Variants in KIF6 observed in about 807,000 individuals in gnomAD.
KIF6 encodes the protein kinesin family member 6, also known as kinesin-like protein KIF6.
In KIF6, 106 loss-of-function variants were observed where a neutral mutation model predicts 112.7. The observed-to-expected ratio is 0.94, with a 90% CI of 0.80 to 1.11. The LOEUF (loss-of-function observed/expected upper bound fraction) is 1.11. KIF6 is among the 50% of genes least tolerant of loss of function. The pLI, the probability that KIF6 is intolerant of heterozygous loss-of-function variation, is 0.00. For missense variants in KIF6, 929 were observed against 964.0 expected, an observed-to-expected ratio of 0.96 and a Z score of 0.48; for synonymous variants, 339 against 339.9, an observed-to-expected ratio of 1.00 and a Z score of 0.03.
intron 19 of KIF6, among the ~76,000 whole-genome samples, chr6:39,350,716 C>T (rs544850837): frequency 1.2e-4 from 18 of 152,288 alleles, no homozygotes; most frequent in East Asian, 3.9e-4. Flanking sequence ...TCTGTAGGCC[C>T]GTTACTACCA....
chr6:39,699,832 C>T (rs898242360), intron 3 of KIF6, among the ~76,000 whole-genome samples: 2 of 152,028 alleles, frequency 1.3e-5, no homozygotes, highest in Non-Finnish European at 2.9e-5. Flanking sequence ...ATTAATATAT[C>T]TTGACTGATC....
intron 13 of KIF6, among the ~76,000 whole-genome samples, chr6:39,455,005 G>A (rs1772967327): frequency 6.7e-6 from 1 of 150,184 alleles, no homozygotes; most frequent in Non-Finnish European, 1.5e-5. Flanking sequence ...GCTCGAACTG[G>A]GTGGAGCCCA....
intron 8 of KIF6, among the ~76,000 whole-genome samples, chr6:39,585,750 C>T (rs932613601): frequency 6.6e-6 from 1 of 152,182 alleles, no homozygotes; most frequent in Non-Finnish European, 1.5e-5. Flanking sequence ...GCCTTGTTTC[C>T]TCTTCTGAGG....
chr6:39,373,075 A>G (rs1581702696), intron 16 of KIF6, among the ~76,000 whole-genome samples: 1 of 152,194 alleles, frequency 6.6e-6, no homozygotes, highest in South Asian at 2.1e-4. Context: ...GGACAGATAG[A>G]GGGGCCAGCC....
chr6:39,426,251 G>C (rs1770757050), intron 14 of KIF6, among the ~76,000 whole-genome samples: 1 of 152,146 alleles, frequency 6.6e-6, no homozygotes, highest in Non-Finnish European at 1.5e-5. Flanking sequence ...ATTGTTCTCT[G>C]CTGAAAAATC....
chr6:39,381,743 TG>T (rs2150307376), intron 16 of KIF6, among the ~76,000 whole-genome samples: 1 of 152,330 alleles, frequency 6.6e-6, no homozygotes, highest in Non-Finnish European at 1.5e-5. Flanking sequence ...GAATGGCAGC[TG>T]GGAGATGTTG....
intron 2 of KIF6, chr6:39,715,046 T>C (rs1789753491): frequency 3.6e-6 from 1 of 276,110 alleles, no homozygotes; most frequent in Non-Finnish European, 6.8e-6. Flanking sequence ...TGTGTGCTTT[T>C]TAGCTCTCAA....
intron 5 of KIF6, among the ~76,000 whole-genome samples, chr6:39,621,233 G>A (rs2465680): frequency 0.33 from 31,136 of 95,216 alleles, 4,403 homozygotes; most frequent in African/African-American, 0.55. Flanking sequence ...ACACACACAC[G>A]TACACATATA....
Position 39,540,046 on chromosome 6 carries a change from G to A in KIF6, c.1602C>T (p.Phe534=). 1 of 1,607,548 alleles carries A rather than the reference G, an allele frequency of 6.2e-7. No homozygotes were observed. Among genetic ancestry groups the A allele is most frequent in the African/African-American group, 1.3e-5 (1 of 74,648 alleles). The change falls in exon 13 of 23, where the codon TTC becomes TTT. Residue 534 remains phenylalanine, a synonymous_variant. Coordinates refer to ENST00000287152, the MANE Select transcript of KIF6 (RefSeq NM_145027.6). ...LSSAPSQAQD[F]SILGKRSSLL... ...AACTGGATCTTTTCCCCAAAATGCT[G>A]AAGTCCTGGGCCTGTGAGGGAGCTG...
chr6:39,545,761 G>T, intron 10 of KIF6, 73 bp from the exon 11 acceptor site: 2 of 895,234 alleles, frequency 2.2e-6, no homozygotes, highest in South Asian at 1.4e-5. Context: ...TTATCTAGTT[G>T]GTTAACATTT....
chr6:39,586,207 C>T (rs920203277), intron 8 of KIF6, 54 bp downstream of exon 8: 12 of 1,597,460 alleles, frequency 7.5e-6, no homozygotes, highest in South Asian at 5.6e-5. Context: ...CTCCGTCTCA[C>T]GTGCTAGCAG....
chr6:39,720,393 A>C (rs544786089), intron 2 of KIF6, among the ~76,000 whole-genome samples: 1 of 152,284 alleles, frequency 6.6e-6, no homozygotes, highest in South Asian at 2.1e-4. Context: ...GTGAAGTTTA[A>C]TCATGCATTG....
chr6:39,629,074 T>C (rs1449294331), intron 5 of KIF6, among the ~76,000 whole-genome samples: 2 of 152,172 alleles, frequency 1.3e-5, no homozygotes, highest in Non-Finnish European at 2.9e-5. Flanking sequence ...TGTTAACCTA[T>C]TGATGAACAT....
At chr6:39,388,726 G>A (rs1767626197) in intron 15 of KIF6, among the ~76,000 whole-genome samples, 1 of 152,158 alleles carries the variant, frequency 6.6e-6, no homozygotes, top group South Asian at 2.1e-4. Flanking sequence ...GCAGCTTGCT[G>A]TCATTACCAC....
intron 3 of KIF6, among the ~76,000 whole-genome samples, chr6:39,703,094 G>T: frequency 1.8e-5 from 1 of 56,862 alleles, no homozygotes; most frequent in Non-Finnish European, 3.3e-5. Flanking sequence ...CCCCACTCCC[G>T]GCCACCAAGA....
In KIF6 at chr6:39,409,443, G is replaced by A. The variant is rs905757877; in HGVS notation, c.1810+10505C>T. ...TGACATAGCCTAGATGTGCTTGGGAGCATCTCTGCTTTTTCAATGTTGCCC... is the reference window on the plus strand; with the variant it reads ...TGACATAGCCTAGATGTGCTTGGGAACATCTCTGCTTTTTCAATGTTGCCC... On this transcript the variant is annotated intron_variant, in intron 15 of 22. Transcript: ENST00000287152. Among the ~76,000 whole-genome samples the A allele has an allele frequency of 5.9e-5, 9 of 152,344 alleles. No individual in the cohort carries two copies. In the East Asian group the frequency reaches 1.7e-3, roughly 29 times the overall value.
chr6:39,652,163 T>C (rs1371843018), intron 3 of KIF6, among the ~76,000 whole-genome samples: 1 of 152,158 alleles, frequency 6.6e-6, no homozygotes, highest in Non-Finnish European at 1.5e-5. Context: ...ATCCTACTAT[T>C]AGCTTATGGA....
intron 13 of KIF6, among the ~76,000 whole-genome samples, chr6:39,514,988 C>T (rs1180163336): frequency 2.6e-5 from 4 of 152,188 alleles, no homozygotes; most frequent in Non-Finnish European, 5.9e-5. Flanking sequence ...TGAAGTAGAC[C>T]TATAATAAAA....
At chr6:39,571,663 A>G (rs1038219496) in intron 10 of KIF6, among the ~76,000 whole-genome samples, 1 of 152,218 alleles carries the variant, frequency 6.6e-6, no homozygotes, top group Admixed American at 6.5e-5. Flanking sequence ...TTCATTTCCT[A>G]GATACCATTA....
Sources: gnomAD v4.1 joint callset for allele counts (sites outside exome capture counted in the v4.1 genomes callset) on GRCh38, gnomAD v4.1.1 for gene constraint, MANE v1.5 for transcripts, NCBI Gene and HGNC (gene_info 2026-07-23, HGNC 2026-07-21) for gene names.